Variants in GRM7 observed in about 807,000 individuals in gnomAD.
GRM7 encodes the protein metabotropic glutamate receptor 7.
GRM7 carries 35 observed loss-of-function variants against 84.5 expected under a neutral mutation model. The ratio of observed to expected loss-of-function variants is 0.41; its 90% CI spans 0.32 to 0.55. The LOEUF is 0.55. Ranked by LOEUF, GRM7 falls within the 20% of genes least tolerant of loss-of-function variation. The pLI is 0.19. For missense variants in GRM7, 1,003 were observed against 1,194.6 expected, an observed-to-expected ratio of 0.84 and a Z score of 2.36; for synonymous variants, 487 against 455.1, an observed-to-expected ratio of 1.07 and a Z score of -0.89.
At chr3:7,598,666 C>G (rs1411526035) in intron 8 of GRM7, among the ~76,000 whole-genome samples, 2 of 151,962 alleles carry the variant, frequency 1.3e-5, no homozygotes, top group Non-Finnish European at 2.9e-5. Flanking sequence ...TAAAAATTGC[C>G]ATCTTTGCTT....
chr3:7,518,938 T>C (rs1196136248), intron 7 of GRM7, among the ~76,000 whole-genome samples: 1 of 152,218 alleles, frequency 6.6e-6, no homozygotes, highest in Non-Finnish European at 1.5e-5. Context: ...TTCATTATTT[T>C]CTTTTGTGTA....
intron 2 of GRM7, among the ~76,000 whole-genome samples, chr3:7,171,049 C>A (rs558595092): frequency 6.6e-6 from 1 of 152,260 alleles, no homozygotes; most frequent in South Asian, 2.1e-4. Context: ...CAGACCTTCC[C>A]TTACCTACCT....
At chr3:7,279,210 A>G (rs981154374) in intron 2 of GRM7, among the ~76,000 whole-genome samples, 6 of 152,124 alleles carry the variant, frequency 3.9e-5, no homozygotes, top group African/African-American at 1.4e-4. Flanking sequence ...AAAGCCTTAA[A>G]ATCTAAGCAA....
At chr3:7,449,999 T>C (rs1250757725) in intron 5 of GRM7, among the ~76,000 whole-genome samples, 1 of 152,088 alleles carries the variant, frequency 6.6e-6, no homozygotes, top group African/African-American at 2.4e-5. Flanking sequence ...TGGAAAAAGA[T>C]ACCTAAAGGA....
intron 2 of GRM7, among the ~76,000 whole-genome samples, chr3:7,171,347 T>C (rs1018304336): frequency 3.9e-5 from 6 of 152,102 alleles, no homozygotes; most frequent in African/African-American, 1.2e-4. Context: ...CTAATAATCT[T>C]ATGTTAACTT....
At chr3:7,508,682 A>G (rs1377275509) in intron 7 of GRM7, among the ~76,000 whole-genome samples, 1 of 152,194 alleles carries the variant, frequency 6.6e-6, no homozygotes, top group Non-Finnish European at 1.5e-5. Flanking sequence ...GTTTTTGGAA[A>G]AACGGTTCTT....
At chr3:7,122,002 A>G (rs969532748) in intron 1 of GRM7, among the ~76,000 whole-genome samples, 8 of 152,178 alleles carry the variant, frequency 5.3e-5, no homozygotes, top group Admixed American at 4.6e-4. Flanking sequence ...TTCACCTTCC[A>G]TCCTTTTGCC....
rs530056184 is a variant in GRM7, at chr3:7,405,638, G to A, written c.1034-9385G>A. 5.3e-5 allele frequency among the ~76,000 whole-genome samples: 8 copies of A among 152,178 alleles called. No individual in the cohort carries two copies. In the South Asian group the frequency reaches 1.4e-3, roughly 28 times the overall value. On this transcript the variant is annotated intron_variant, in intron 4 of 9. Coordinates refer to ENST00000357716, the MANE Select transcript of GRM7 (RefSeq NM_000844.4). The stretch of plus-strand genomic sequence containing the variant: ...TTAGAAATAGGAATTAACTTATCTT[G>A]GAGAACGGCTCTTGTACAAAATTTT...
rs1693810398 is a variant in GRM7, at chr3:7,557,249, G to T, written c.1516-21173G>T. The stretch of plus-strand genomic sequence containing the variant: ...AGAAATGTAGGTGGCTATGCTAGGT[G>T]CTTAGAGGATAAAATCAGTAAGACT... On this transcript the variant is annotated intron_variant, in intron 7 of 9. Transcript: ENST00000357716. Among the ~76,000 whole-genome samples the T allele has an allele frequency of 2.0e-5, 3 of 152,096 alleles. No homozygotes were observed. In the South Asian group the frequency reaches 6.2e-4, roughly 31 times the overall value.
chr3:7,687,502 A>C (rs887756079), intron 9 of GRM7, among the ~76,000 whole-genome samples: 2 of 152,202 alleles, frequency 1.3e-5, no homozygotes, highest in Admixed American at 6.5e-5. Context: ...AAGTTATTAA[A>C]GTCATGTGGT....
rs554424017 is a variant in GRM7 at position 7,407,344 on chromosome 3, C to G, written c.1034-7679C>G. Among the ~76,000 whole-genome samples the G allele has an allele frequency of 1.8e-4, 27 of 152,282 alleles. 1 individual carries two copies. In the South Asian group the frequency reaches 5.6e-3, roughly 32 times the overall value. On this transcript the variant is annotated intron_variant, in intron 4 of 9. Transcript: ENST00000357716. The stretch of plus-strand genomic sequence containing the variant: ...GTCATTTTATGTTTCATTCTACTGA[C>G]CTTGTGCATCTTGAGCAGCCTCAAA...
intron 1 of GRM7, among the ~76,000 whole-genome samples, chr3:7,066,639 T>A (rs148883663): frequency 1.3e-5 from 2 of 151,824 alleles, no homozygotes; most frequent in Non-Finnish European, 2.9e-5. Flanking sequence ...TTCCACAAGA[T>A]AGAGAAAGAA....
At chr3:7,394,911 A>AT (rs1434654770) in intron 4 of GRM7, among the ~76,000 whole-genome samples, 2 of 151,800 alleles carry the variant, frequency 1.3e-5, no homozygotes, top group Non-Finnish European at 2.9e-5. Context: ...GGTGGCGGGC[A>AT]CCCATAATCC....
At chr3:7,661,516 C>T (rs534855299) in intron 8 of GRM7, among the ~76,000 whole-genome samples, 92 of 152,184 alleles carry the variant, frequency 6.0e-4, no homozygotes, top group African/African-American at 2.1e-3. Flanking sequence ...AAATGCTGGC[C>T]GGGCGCGGTG....
intron 8 of GRM7, among the ~76,000 whole-genome samples, chr3:7,648,505 T>G (rs1698765322): frequency 6.6e-6 from 1 of 151,764 alleles, no homozygotes; most frequent in African/African-American, 2.4e-5. Context: ...AAAAGTTAGC[T>G]GGGCATGGTG....
intron 1 of GRM7, among the ~76,000 whole-genome samples, chr3:6,930,852 C>T (rs1433923828): frequency 6.6e-6 from 1 of 152,186 alleles, no homozygotes; most frequent in African/African-American, 2.4e-5. Context: ...TGAGAATATA[C>T]TAGCTGCTGG....
intron 8 of GRM7, among the ~76,000 whole-genome samples, chr3:7,651,641 A>G (rs1698943332): frequency 6.6e-6 from 1 of 152,198 alleles, no homozygotes; most frequent in Non-Finnish European, 1.5e-5. Flanking sequence ...CCATGCAGGA[A>G]ATTTCAACTA....
At chr3:7,064,469 T>TATATATATACACACACACATATAC (rs1697557587) in intron 1 of GRM7, among the ~76,000 whole-genome samples, 19 of 82,184 alleles carry the variant, frequency 2.3e-4, no homozygotes, top group African/African-American at 1.0e-3. Flanking sequence ...TATACATATA[T>TATATATATACACACACACATATAC]ATATATATAT....
chr3:7,376,446 T>C (rs1694354047), intron 4 of GRM7, among the ~76,000 whole-genome samples: 1 of 152,184 alleles, frequency 6.6e-6, no homozygotes, highest in Admixed American at 6.5e-5. Flanking sequence ...AGGAACAAGC[T>C]AGGAGACCTG....
Sources: allele counts gnomAD v4.1 joint callset (sites outside exome capture counted in the v4.1 genomes callset), GRCh38; gene constraint gnomAD v4.1.1; transcripts MANE v1.5; gene names NCBI Gene and HGNC (gene_info 2026-07-23, HGNC 2026-07-21).